The following C6orf89 variants were observed in gnomAD, a reference collection of about 807,000 sequenced individuals.
C6orf89 encodes chromosome 6 open reading frame 89.
A neutral mutation model predicts 40.7 loss-of-function variants in C6orf89; 29 were observed. That is an observed-to-expected ratio of 0.71 (90% CI 0.53 to 0.97). The LOEUF (loss-of-function observed/expected upper bound fraction) is 0.97. C6orf89 is among the 50% of genes least tolerant of loss of function. The pLI, the probability that C6orf89 is intolerant of heterozygous loss-of-function variation, is 0.00. For synonymous variants in C6orf89, 165 were observed against 152.2 expected (o/e 1.08, Z -0.62); for missense variants, 392 against 429.1 (o/e 0.91, Z 0.76).
intron 3 of C6orf89, among the ~76,000 whole-genome samples, chr6:36,900,785 ACCTCAGTCTC>A (rs978822151): frequency 6.6e-6 from 1 of 151,610 alleles, no homozygotes; most frequent in Non-Finnish European, 1.5e-5. Flanking sequence ...GAGACTGCCC[ACCTCAGTCTC>A]CCAAAGTGCT....
intron 1 of C6orf89, among the ~76,000 whole-genome samples, chr6:36,890,161 A>G (rs1252732322): frequency 1.3e-5 from 2 of 152,200 alleles, no homozygotes; most frequent in Non-Finnish European, 2.9e-5. Context: ...AACACTTAAC[A>G]TAAGACCTAC....
intron 4 of C6orf89, among the ~76,000 whole-genome samples, chr6:36,910,778 C>G (rs907598993): frequency 6.6e-6 from 1 of 151,604 alleles, no homozygotes; most frequent in Non-Finnish European, 1.5e-5. Context: ...GCGATCCCAC[C>G]TCAGCCTCCC....
intron 7 of C6orf89, among the ~76,000 whole-genome samples, chr6:36,918,102 T>G (rs1762390716): frequency 6.6e-6 from 1 of 152,220 alleles, no homozygotes; most frequent in East Asian, 1.9e-4. Flanking sequence ...CTGGGCCCTG[T>G]TAAAGTCACG....
In C6orf89 at chr6:36,925,431, T is replaced by C. The variant is rs1343407360; in HGVS notation, c.*1990T>C. ...TCACTCTTGCCCTTCACATCTTAAA[T>C]GTCCATAAGAAACCCTTGCATGTGT... On this transcript the variant is annotated 3_prime_UTR_variant, in exon 9 of 9. Transcript: ENST00000480824. 1 of 152,220 alleles carries C rather than the reference T, an allele frequency of 6.6e-6. No individual in the cohort carries two copies. The highest frequency in any genetic ancestry group is 2.4e-5 in the African/African-American group (1 of 41,442). The allele number at this position is 152,220 out of a possible 1,614,324, so 9.4% of individuals were successfully genotyped here. A position where few individuals can be genotyped will look rare whatever the true frequency, so the allele number is the denominator to read the frequency against.
upstream of C6orf89, among the ~76,000 whole-genome samples, chr6:36,882,479 G>A (rs559529923): frequency 3.9e-4 from 60 of 152,306 alleles, 1 homozygote; most frequent in South Asian, 0.012. Flanking sequence ...TGAAGAACCA[G>A]GATGGCCACC....
chr6:36,917,962 G>A (rs1221148519), intron 7 of C6orf89, among the ~76,000 whole-genome samples: 3 of 152,256 alleles, frequency 2.0e-5, no homozygotes, highest in Non-Finnish European at 4.4e-5. Context: ...GGGAAGGGCA[G>A]TGGCCAGACA....
chr6:36,922,148 C>T (rs1164024504), intron 8 of C6orf89, among the ~76,000 whole-genome samples: 1 of 151,778 alleles, frequency 6.6e-6, no homozygotes, highest in African/African-American at 2.4e-5. Flanking sequence ...ACCAGCCTGG[C>T]CAAGAGATGA....
At position 36,908,074 on chromosome 6, in the gene C6orf89, C is replaced by T. The variant is rs145359745; in HGVS notation, c.403+5640C>T. ...GGAAGAGGAGCCTGCACCCTACCTC[C>T]ACCCCTAGTTCACCGTTTGCCCGTT... is the stretch of plus-strand genomic sequence containing the variant. On this transcript the variant is annotated intron_variant, in intron 4 of 8. Coordinates refer to ENST00000480824, the MANE Select transcript of C6orf89 (RefSeq NM_001286635.2). Among the ~76,000 whole-genome samples, 356 of 152,332 alleles carry T rather than the reference C, an allele frequency of 2.3e-3. 1 individual carries two copies. The highest frequency in any genetic ancestry group is 7.3e-3 in the African/African-American group (305 of 41,574).
At chr6:36,898,287 T>C (rs1761522002) in intron 2 of C6orf89, among the ~76,000 whole-genome samples, 1 of 150,720 alleles carries the variant, frequency 6.6e-6, no homozygotes, top group South Asian at 2.1e-4. Context: ...TCTTTTCTTT[T>C]TTTTTTTTTG....
chr6:36,900,050 G>A (rs1353111277), intron 3 of C6orf89, among the ~76,000 whole-genome samples: 1 of 151,988 alleles, frequency 6.6e-6, no homozygotes, highest in African/African-American at 2.4e-5. Context: ...ACCACACCCA[G>A]CTAATTTTGT....
rs1452726721 is a variant in C6orf89 at position 36,926,546 on chromosome 6, AAAG to A, written c.*3108_*3110del. On this transcript the variant is annotated 3_prime_UTR_variant, in exon 9 of 9. Coordinates refer to ENST00000480824, the MANE Select transcript of C6orf89 (RefSeq NM_001286635.2). ...AAACTCTGTCAAAGGAAAGGAAAGA[AAAG>A]AAAAAAAAAAAGAGAGAGAGAAAAG... The A allele has an allele frequency of 1.5e-5, 2 of 129,220 alleles. No homozygotes were observed. The highest frequency in any genetic ancestry group is 3.2e-5 in the Non-Finnish European group (2 of 62,420). 8.0% of individuals were successfully genotyped at this position (129,220 alleles called of 1,614,324 possible).
In C6orf89 at chr6:36,924,827, T is replaced by G. The variant is rs1762628352; in HGVS notation, c.*1386T>G. The G allele has an allele frequency of 6.6e-6, 1 of 152,134 alleles. No individual in the cohort carries two copies. Among genetic ancestry groups the G allele is most frequent in the South Asian group, 2.1e-4 (1 of 4,822 alleles). The allele number at this position is 152,134 out of a possible 1,614,324, so 9.4% of individuals were successfully genotyped here. A position where few individuals can be genotyped will look rare whatever the true frequency, so the allele number is the denominator to read the frequency against. On this transcript the variant is annotated 3_prime_UTR_variant, in exon 9 of 9. Transcript: ENST00000480824. ...AGAATTATGGATCAGAGGCAGACAA[T>G]GACGAGTGAAGATGGTTGTGAAGCC...
In C6orf89 at chr6:36,923,958, A is replaced by G. The variant is rs1762600078; in HGVS notation, c.*517A>G. 1 of 197,198 alleles carries G rather than the reference A, an allele frequency of 5.1e-6. No individual in the cohort carries two copies. Among genetic ancestry groups the G allele is most frequent in the Non-Finnish European group, 1.1e-5 (1 of 93,930 alleles). The allele number at this position is 197,198 out of a possible 1,614,324, so 12.2% of individuals were successfully genotyped here. Reference sequence around the variant, plus strand: ...TTCCCAAGCAAAGTGGAATCTAGAAACAGTGAAAAAAGTTCAGATAACTTT... The same window carrying G: ...TTCCCAAGCAAAGTGGAATCTAGAAGCAGTGAAAAAAGTTCAGATAACTTT... On this transcript the variant is annotated 3_prime_UTR_variant, in exon 9 of 9. Transcript: ENST00000480824.
intron 2 of C6orf89, 51 bp from the exon 3 acceptor site, chr6:36,899,375 C>A: frequency 6.4e-7 from 1 of 1,564,730 alleles, no homozygotes; most frequent in South Asian, 1.1e-5. Flanking sequence ...GAGGAAGTAC[C>A]TAAAGAAACC....
At chr6:36,886,133 C>T (rs1447458581) in intron 1 of C6orf89, 105 bp downstream of exon 1, 29 of 999,270 alleles carry the variant, frequency 2.9e-5, no homozygotes, top group Non-Finnish European at 3.6e-5. Context: ...CCGCTGCTAC[C>T]ACCCTCTATC....
At chr6:36,872,140 A>T (rs1369543801) in intron 1 of C6orf89, among the ~76,000 whole-genome samples, 1 of 152,100 alleles carries the variant, frequency 6.6e-6, no homozygotes, top group East Asian at 1.9e-4. Context: ...AATACTATAC[A>T]TATATACATA....
At chr6:36,874,755 T>C (rs1774603031) in intron 1 of C6orf89, 2 of 1,614,086 alleles carry the variant, frequency 1.2e-6, no homozygotes, top group East Asian at 2.2e-5. Flanking sequence ...GCCAGGAATC[T>C]GGGGGAATTG....
chr6:36,878,961 A>G (rs1292381782), intron 1 of C6orf89: 1 of 152,204 alleles, frequency 6.6e-6, no homozygotes, highest in East Asian at 1.9e-4. Context: ...TCATTGCTCA[A>G]TTAAACTCCT....
intron 4 of C6orf89, among the ~76,000 whole-genome samples, chr6:36,906,694 C>A (rs1761939548): frequency 6.6e-6 from 1 of 152,122 alleles, no homozygotes; most frequent in Admixed American, 6.5e-5. Flanking sequence ...TGGCTCTGGG[C>A]ATGGTGCCAC....
Sources: allele counts gnomAD v4.1 joint callset (sites outside exome capture counted in the v4.1 genomes callset), GRCh38; gene constraint gnomAD v4.1.1; transcripts MANE v1.5; gene names NCBI Gene and HGNC (gene_info 2026-07-23, HGNC 2026-07-21).